Variants in THRAP3 observed in about 807,000 individuals in gnomAD.
THRAP3 encodes the protein thyroid hormone receptor associated protein 3, also known as thyroid hormone receptor-associated protein 3.
Under a neutral mutation model 101.0 loss-of-function variants are expected in THRAP3, and 16 were observed. That is an observed-to-expected ratio of 0.16 (90% CI 0.11 to 0.24). THRAP3 has a LOEUF of 0.24. Ranked by LOEUF, THRAP3 falls within the 10% of genes least tolerant of loss-of-function variation. The pLI, the probability that THRAP3 is intolerant of heterozygous loss-of-function variation, is 1.00. For synonymous variants in THRAP3, 407 were observed against 422.6 expected (o/e 0.96, Z 0.45); for missense variants, 989 against 1,202.7 (o/e 0.82, Z 2.63).
intron 3 of THRAP3, among the ~76,000 whole-genome samples, chr1:36,283,927 A>G (rs551024941): frequency 6.6e-6 from 1 of 152,302 alleles, no homozygotes; most frequent in South Asian, 2.1e-4. Flanking sequence ...TGAAAAGGGA[A>G]ACCCTAAATT....
chr1:36,230,661 C>G (rs1307795539), intron 1 of THRAP3, among the ~76,000 whole-genome samples: 1 of 152,094 alleles, frequency 6.6e-6, no homozygotes, highest in Non-Finnish European at 1.5e-5. Flanking sequence ...AATAGTGTTT[C>G]TTTGGAAGCG....
chr1:36,290,120 T>TAA (rs1229633123), intron 5 of THRAP3, among the ~76,000 whole-genome samples: 1 of 152,168 alleles, frequency 6.6e-6, no homozygotes, highest in East Asian at 1.9e-4. Context: ...CCAAAGTCTA[T>TAA]AGTACGGCCC....
Position 36,300,871 on chromosome 1 carries a change from C to G in THRAP3, c.2304-15C>G, listed in dbSNP as rs374822607. 1.9e-6 allele frequency: 3 copies of G among 1,612,284 alleles called. No individual in the cohort carries two copies. In the Admixed American group the frequency reaches 5.0e-5, roughly 27 times the overall value. ...AGAAAGATGATTGATCACCCTGGCTCTTCTCTTTTCACAGGAAGCATCGGA... is the reference window on the plus strand; with the variant it reads ...AGAAAGATGATTGATCACCCTGGCTGTTCTCTTTTCACAGGAAGCATCGGA... On this transcript the variant is annotated splice_polypyrimidine_tract_variant and intron_variant, in intron 9 of 11. Coordinates refer to ENST00000354618, the MANE Select transcript of THRAP3 (RefSeq NM_005119.4).
In THRAP3 at chr1:36,287,037, C is replaced by T. The variant is rs572420559; in HGVS notation, c.807C>T (p.Pro269=). 5.0e-5 allele frequency: 80 copies of T among 1,613,660 alleles called. No homozygotes were observed. The highest frequency in any genetic ancestry group is 6.7e-5 in the Admixed American group (4 of 59,984). The part of the protein sequence containing the change: ...VVRRRSPRPS[P]VPKPSPPLSS... Reference sequence around the variant, plus strand: ...GGCGGCGGTCACCCCGTCCTAGCCCCGTGCCAAAACCTAGTCCTCCACTTT... The same window carrying T: ...GGCGGCGGTCACCCCGTCCTAGCCCTGTGCCAAAACCTAGTCCTCCACTTT... Residue 269 remains proline, a synonymous_variant, in exon 4 of 12, where the codon CCC becomes CCT. Coordinates refer to ENST00000354618, the MANE Select transcript of THRAP3 (RefSeq NM_005119.4).
At chr1:36,224,162 C>T (rs1400318563), upstream of THRAP3, among the ~76,000 whole-genome samples, 5 of 152,340 alleles carry the variant, frequency 3.3e-5, no homozygotes, top group Middle Eastern at 0.01. Context: ...GCAGTGGCGT[C>T]AGCAACGCCC....
At chr1:36,297,753 A>G (rs1485732604) in intron 9 of THRAP3, among the ~76,000 whole-genome samples, 1 of 151,338 alleles carries the variant, frequency 6.6e-6, no homozygotes, top group African/African-American at 2.4e-5. Flanking sequence ...GCGTTTTTAT[A>G]TCAGTTTTTC....
At chr1:36,294,185 G>A in intron 8 of THRAP3, 1 of 1,248,916 alleles carries the variant, frequency 8.0e-7, no homozygotes, top group East Asian at 3.2e-5. Flanking sequence ...AAAGAGAGGA[G>A]TTTTGGAACA....
Position 36,304,139 on chromosome 1 carries a change from G to T in THRAP3, c.*122G>T. ...ATCCTACCCCCACCCCCCACCAGCC[G>T]CACAGATTGTACTACCGCGAGAGGC... On this transcript the variant is annotated 3_prime_UTR_variant, in exon 12 of 12. Transcript: ENST00000354618. 2.9e-6 allele frequency: 4 copies of T among 1,386,688 alleles called. No individual in the cohort carries two copies. Among genetic ancestry groups the T allele is most frequent in the South Asian group, 1.6e-5 (1 of 63,126 alleles). 85.9% of individuals were successfully genotyped at this position (1,386,688 alleles called of 1,614,324 possible).
chr1:36,241,554 A>G (rs564229343), intron 1 of THRAP3, among the ~76,000 whole-genome samples: 10 of 150,928 alleles, frequency 6.6e-5, no homozygotes, highest in African/African-American at 2.4e-4. Context: ...TAGAAGGTTG[A>G]CTGAAGTTTA....
intron 1 of THRAP3, among the ~76,000 whole-genome samples, chr1:36,231,343 G>A (rs1395738790): frequency 1.3e-5 from 2 of 152,150 alleles, no homozygotes; most frequent in African/African-American, 2.4e-5. Context: ...CACCCCTGCC[G>A]GTGCCTTGTT....
At chr1:36,287,715 T>C in intron 4 of THRAP3, 3 of 985,394 alleles carry the variant, frequency 3.0e-6, no homozygotes, top group Non-Finnish European at 3.6e-6. Context: ...TACCCTCCAG[T>C]TGAGGAGACT....
intron 9 of THRAP3, among the ~76,000 whole-genome samples, chr1:36,299,728 C>T (rs12737723): frequency 2.0e-5 from 3 of 151,876 alleles, no homozygotes; most frequent in South Asian, 2.1e-4. Context: ...AGGCTGGTCT[C>T]GAACTCCTGA....
intron 1 of THRAP3, among the ~76,000 whole-genome samples, chr1:36,229,090 A>G (rs960807405): frequency 6.6e-6 from 1 of 152,214 alleles, no homozygotes; most frequent in East Asian, 1.9e-4. Flanking sequence ...TAATTTTTCA[A>G]GGGAACTAAT....
At chr1:36,303,303 C>T (rs1354186241) in intron 11 of THRAP3, among the ~76,000 whole-genome samples, 2 of 151,934 alleles carry the variant, frequency 1.3e-5, no homozygotes, top group African/African-American at 4.8e-5. Flanking sequence ...ACCCAGTTCA[C>T]ATGGAGTTGC....
intron 8 of THRAP3, chr1:36,294,351 GT>G: frequency 2.1e-6 from 1 of 467,134 alleles, no homozygotes; most frequent in Non-Finnish European, 2.8e-6. Flanking sequence ...TAAGTAGACT[GT>G]TTTTAAACAG....
rs1216700861 is a variant in THRAP3, at chr1:36,296,662, T to C, written c.2195T>C (p.Leu732Pro). The C allele has an allele frequency of 6.2e-7, 1 of 1,610,372 alleles. No individual in the cohort carries two copies. The highest frequency in any genetic ancestry group is 8.5e-7 in the Non-Finnish European group (1 of 1,179,246). The change falls in exon 9 of 12, where the codon CTT becomes CCT. Residue 732 changes from leucine (L) to proline (P), a missense_variant. By Grantham distance (98) the Leu-to-Pro change is moderately conservative (BLOSUM62 -3). Coordinates refer to ENST00000354618, the MANE Select transcript of THRAP3 (RefSeq NM_005119.4). ...CGTAAAAAACATAAGGAGAGAGATC[T>C]TAAACGAGGTAAATCGAGAGAATCA... The part of the protein sequence containing the change: ...ERRKKHKERD[L>P]KRGKSRESVD...
In THRAP3 at chr1:36,289,533, G is replaced by A; in HGVS notation, c.1514G>A (p.Gly505Asp). The A allele has an allele frequency of 6.2e-7, 1 of 1,614,098 alleles. No individual in the cohort carries two copies. ...FPERSKKEDR[G>D]KRSEGGHRGF... ...GAGAGATCCAAAAAGGAAGATCGGG[G>A]CAAGAGAAGCGAAGGTGGGCACAGG... Residue 505 changes from glycine to aspartate, a missense_variant, in exon 5 of 12, where the codon GGC becomes GAC. Gly to Asp is a moderately conservative substitution (Grantham distance 94, BLOSUM62 -1). Transcript: ENST00000354618.
chr1:36,242,007 C>A, intron 1 of THRAP3: 1 of 176,202 alleles, frequency 5.7e-6, no homozygotes, highest in South Asian at 1.5e-4. Context: ...TGGATTTTGC[C>A]ATTTTGCTAA....
chr1:36,233,354 A>C (rs1183338181), intron 1 of THRAP3, among the ~76,000 whole-genome samples: 2 of 151,742 alleles, frequency 1.3e-5, no homozygotes, highest in Non-Finnish European at 2.9e-5. Flanking sequence ...AAAAATAAAA[A>C]AATTAGCCAG....
Sources: allele counts gnomAD v4.1 joint callset (sites outside exome capture counted in the v4.1 genomes callset), GRCh38; gene constraint gnomAD v4.1.1; transcripts MANE v1.5; gene names NCBI Gene and HGNC (gene_info 2026-07-23, HGNC 2026-07-21).